FTO: variants seen among roughly 807,000 people sequenced by gnomAD.
FTO encodes alpha-ketoglutarate-dependent dioxygenase FTO.
In FTO, 47 loss-of-function variants were observed where a neutral mutation model predicts 63.9. That is an observed-to-expected ratio of 0.74 (90% CI 0.58 to 0.94). FTO has a LOEUF of 0.94. Among genes scored for constraint, FTO ranks in the 40% least tolerant of loss-of-function variants. The pLI is 0.00. For missense variants in FTO, 562 were observed against 618.1 expected, an observed-to-expected ratio of 0.91 and a Z score of 0.96; for synonymous variants, 207 against 224.4, an observed-to-expected ratio of 0.92 and a Z score of 0.69.
At chr16:53,745,221 C>G (rs928514225) in intron 1 of FTO, among the ~76,000 whole-genome samples, 5 of 152,190 alleles carry the variant, frequency 3.3e-5, no homozygotes, top group Non-Finnish European at 7.3e-5. Flanking sequence ...TTCACACTTG[C>G]TAATGAATAA....
At chr16:53,714,317 C>T (rs1036027905) in intron 1 of FTO, among the ~76,000 whole-genome samples, 1 of 152,180 alleles carries the variant, frequency 6.6e-6, no homozygotes, top group Admixed American at 6.5e-5. Flanking sequence ...CAGCATTTCT[C>T]CAGTAATAAT....
chr16:53,781,976 TAAAG>T (rs1240222521), intron 1 of FTO, among the ~76,000 whole-genome samples: 4 of 152,160 alleles, frequency 2.6e-5, no homozygotes, highest in Non-Finnish European at 1.5e-5. Context: ...ATATGACAAT[TAAAG>T]AGAGAGCTTG....
intron 1 of FTO, among the ~76,000 whole-genome samples, chr16:53,771,458 A>G (rs938844681): frequency 5.3e-5 from 8 of 152,032 alleles, no homozygotes; most frequent in South Asian, 2.1e-4. Context: ...ATTTCTTCCT[A>G]TCTAGTCTCC....
intron 8 of FTO, among the ~76,000 whole-genome samples, chr16:53,976,587 C>T (rs1484372461): frequency 2.6e-5 from 4 of 151,706 alleles, no homozygotes; most frequent in South Asian, 2.1e-4. Flanking sequence ...TCTTAGATTC[C>T]GATAGTCAGA....
chr16:53,720,368 A>G (rs1036216772), intron 1 of FTO, among the ~76,000 whole-genome samples: 4 of 151,994 alleles, frequency 2.6e-5, no homozygotes, highest in African/African-American at 9.7e-5. Context: ...AGATATAAAT[A>G]TGATTTAAAA....
chr16:53,863,080 A>G (rs1317291011), intron 4 of FTO, among the ~76,000 whole-genome samples: 1 of 152,174 alleles, frequency 6.6e-6, no homozygotes, highest in African/African-American at 2.4e-5. Flanking sequence ...GTCAGTTGCC[A>G]GTGGTTTTTT....
chr16:53,772,984 A>G (rs1291943143), intron 1 of FTO, among the ~76,000 whole-genome samples: 1 of 152,084 alleles, frequency 6.6e-6, no homozygotes, highest in East Asian at 1.9e-4. Flanking sequence ...CTCCCTTGGA[A>G]TGTTCTTAAG....
At chr16:53,960,537 A>C (rs2083050032) in intron 8 of FTO, among the ~76,000 whole-genome samples, 1 of 152,158 alleles carries the variant, frequency 6.6e-6, no homozygotes, top group Non-Finnish European at 1.5e-5. Context: ...GTTAAACATC[A>C]CTGGTCTGAA....
At chr16:53,751,345 C>T (rs1490637549) in intron 1 of FTO, among the ~76,000 whole-genome samples, 1 of 152,038 alleles carries the variant, frequency 6.6e-6, no homozygotes, top group Non-Finnish European at 1.5e-5. Flanking sequence ...GTAGTCCCAG[C>T]TATTTGGGAG....
chr16:54,057,642 T>C (rs1475683240), intron 8 of FTO, among the ~76,000 whole-genome samples: 2 of 151,842 alleles, frequency 1.3e-5, no homozygotes, highest in African/African-American at 4.8e-5. Flanking sequence ...TTTTTTTTTT[T>C]CTGTATTTTT....
intron 8 of FTO, among the ~76,000 whole-genome samples, chr16:54,027,724 A>C (rs751119903): frequency 6.6e-6 from 1 of 152,200 alleles, no homozygotes; most frequent in Non-Finnish European, 1.5e-5. Context: ...AGTAACTGGG[A>C]TGTAGCCAAA....
At chr16:53,764,718 CT>C (rs200054342) in intron 1 of FTO, among the ~76,000 whole-genome samples, 2 of 151,208 alleles carry the variant, frequency 1.3e-5, no homozygotes, top group African/African-American at 2.4e-5. Context: ...TTGGTCTGTT[CT>C]TTTTTTTTAA....
At chr16:53,980,328 A>C (rs1003952426) in intron 8 of FTO, among the ~76,000 whole-genome samples, 6 of 152,270 alleles carry the variant, frequency 3.9e-5, no homozygotes, top group African/African-American at 1.4e-4. Flanking sequence ...GCCGTTTGCT[A>C]CCTGGAAACC....
chr16:54,022,476 T>C (rs2084624026), intron 8 of FTO, among the ~76,000 whole-genome samples: 1 of 152,190 alleles, frequency 6.6e-6, no homozygotes, highest in African/African-American at 2.4e-5. Flanking sequence ...AATTACTTTA[T>C]TTGAAACAGC....
At chr16:54,011,500 C>G (rs1160757709) in intron 8 of FTO, among the ~76,000 whole-genome samples, 3 of 152,150 alleles carry the variant, frequency 2.0e-5, no homozygotes, top group Non-Finnish European at 4.4e-5. Flanking sequence ...TCCCAAATAG[C>G]TGTAACAGGC....
At chr16:54,005,481 A>G (rs920457871) in intron 8 of FTO, among the ~76,000 whole-genome samples, 7 of 151,458 alleles carry the variant, frequency 4.6e-5, no homozygotes, top group Admixed American at 6.6e-5. Context: ...ATTAATGGCT[A>G]TATAACATAG....
At chr16:53,876,243 T>C (rs961102644) in intron 5 of FTO, among the ~76,000 whole-genome samples, 2 of 152,142 alleles carry the variant, frequency 1.3e-5, no homozygotes, top group African/African-American at 4.8e-5. Context: ...AATATATAAG[T>C]AAAAATGTAT....
At chr16:54,035,549 A>T (rs1212827296) in intron 8 of FTO, among the ~76,000 whole-genome samples, 2 of 152,180 alleles carry the variant, frequency 1.3e-5, no homozygotes, top group Non-Finnish European at 2.9e-5. Context: ...CCATGCTTGG[A>T]GGAACTCATT....
At chr16:53,836,571 CTT>C (rs2079299458) in intron 3 of FTO, among the ~76,000 whole-genome samples, 1 of 152,166 alleles carries the variant, frequency 6.6e-6, no homozygotes. Context: ...TTCAGTAACT[CTT>C]TGATTTCTGC....
Sources: allele counts gnomAD v4.1 joint callset (sites outside exome capture counted in the v4.1 genomes callset), GRCh38; gene constraint gnomAD v4.1.1; transcripts MANE v1.5; gene names NCBI Gene and HGNC (gene_info 2026-07-23, HGNC 2026-07-21).